Variants in ATG12 observed in about 807,000 individuals in gnomAD.
ATG12 encodes autophagy related 12.
A neutral mutation model predicts 17.6 loss-of-function variants in ATG12; 19 were observed. The ratio of observed to expected loss-of-function variants is 1.08; its 90% CI spans 0.75 to 1.58. ATG12 has a LOEUF of 1.58. Among genes scored for constraint, ATG12 ranks in the 40% most tolerant of loss-of-function variants. The probability of loss-of-function intolerance (pLI) is 0.00; values close to 1 mark genes in which losing one functional copy is unlikely to be tolerated. For missense variants in ATG12, 214 were observed against 162.0 expected (o/e 1.32, Z -1.74); for synonymous variants, 75 against 62.4 (o/e 1.20, Z -0.95).
intron 1 of ATG12, chr5:115,840,903 G>A (rs1351402435): frequency 1.6e-6 from 2 of 1,287,972 alleles, no homozygotes; most frequent in Non-Finnish European, 2.0e-6. Context: ...TAAGAATTTG[G>A]TTTTTGGTTT....
intron 3 of ATG12, 117 bp downstream of exon 3, chr5:115,832,485 T>C: frequency 8.5e-7 from 1 of 1,180,812 alleles, no homozygotes; most frequent in Non-Finnish European, 1.1e-6. Flanking sequence ...TCTCTTGAAA[T>C]AAAAATGTGA....
rs891432155 is a variant in ATG12 at position 115,830,404 on chromosome 5, A to T, written c.*1400T>A. 2 of 152,116 alleles carry T rather than the reference A, an allele frequency of 1.3e-5. No individual in the cohort carries two copies. The highest frequency in any genetic ancestry group is 4.8e-5 in the African/African-American group (2 of 41,420). 9.4% of individuals were successfully genotyped at this position (152,116 alleles called of 1,614,324 possible). A position where few individuals can be genotyped will look rare whatever the true frequency, so the allele number is the denominator to read the frequency against. Reference sequence around the variant, plus strand: ...TATAATTAAATATATTCCTTCAGTAAACTGAACTGGACAAAACTAGAGAAC... The same window carrying T: ...TATAATTAAATATATTCCTTCAGTATACTGAACTGGACAAAACTAGAGAAC... On this transcript the variant is annotated 3_prime_UTR_variant, in exon 4 of 4. Transcript: ENST00000509910.
At chr5:115,839,304 C>T (rs868378156) in intron 1 of ATG12, 12 of 127,814 alleles carry the variant, frequency 9.4e-5, no homozygotes, top group African/African-American at 4.0e-4. Context: ...CTGGAATGAA[C>T]GCATCTAGAA....
chr5:115,832,644 G>C lies in ATG12; in HGVS notation c.321C>G (p.Ser107=), dbSNP rs1760933429. 1.3e-6 allele frequency: 2 copies of C among 1,499,750 alleles called. No homozygotes were observed. The highest frequency in any genetic ancestry group is 1.8e-6 in the Non-Finnish European group (2 of 1,133,034). 92.9% of individuals were successfully genotyped at this position (1,499,750 alleles called of 1,614,324 possible). ...CTTCTTGGTCTGGGGAAGGAGCAAA[G>C]GACTGATTCACATAAATAAACTACA... The part of the protein sequence containing the change: ...SEQLFIYVNQ[S]FAPSPDQEVG... The change falls in exon 3 of 4, where the codon TCC becomes TCG. Residue 107 remains serine, a synonymous_variant. Transcript: ENST00000509910.
At chr5:115,841,067 T>G in intron 1 of ATG12, 1 of 414,444 alleles carries the variant, frequency 2.4e-6, no homozygotes, top group Non-Finnish European at 4.4e-6. Context: ...TACCTGGAAT[T>G]ACCGAGACCC....
At chr5:115,835,289 T>A (rs1368015964) in intron 2 of ATG12, 2 of 152,222 alleles carry the variant, frequency 1.3e-5, no homozygotes, top group Admixed American at 6.5e-5. Context: ...CGCATCTCGT[T>A]TTTCTTGTAA....
chr5:115,832,164 G>GTA (rs1210720331), intron 3 of ATG12, among the ~76,000 whole-genome samples: 1 of 151,664 alleles, frequency 6.6e-6, no homozygotes, highest in Admixed American at 6.6e-5. Context: ...TAGTAGTGGT[G>GTA]CTAGTATGTG....
intron 1 of ATG12, among the ~76,000 whole-genome samples, chr5:115,839,848 T>C (rs968455061): frequency 1.3e-5 from 2 of 152,232 alleles, no homozygotes; most frequent in East Asian, 3.8e-4. Context: ...CTAAGTTTTA[T>C]ATTGGAGAGG....
At position 115,834,583 on chromosome 5, in the gene ATG12, T is replaced by G. The variant is rs150497037; in HGVS notation, c.301-1919A>C. Among the ~76,000 whole-genome samples the G allele has an allele frequency of 4.5e-3, 688 of 152,326 alleles. 5 individuals are homozygous for G. The highest frequency in any genetic ancestry group is 0.016 in the African/African-American group (660 of 41,566). On this transcript the variant is annotated intron_variant, in intron 2 of 3. Transcript: ENST00000509910. ...GCTTTTAAATCAGCAGTCTTTAAAT[T>G]GATGTCTCTAGTTATTCTGGTTATA...
Position 115,831,700 on chromosome 5 carries a change from G to A in ATG12, c.*104C>T. 9.7e-7 allele frequency: 1 copy of A among 1,035,012 alleles called. No individual in the cohort carries two copies. The allele number at this position is 1,035,012 out of a possible 1,614,324, so 64.1% of individuals were successfully genotyped here. On this transcript the variant is annotated 3_prime_UTR_variant, in exon 4 of 4. Transcript: ENST00000509910. ...ACATAGAGTAGACACATACTAAATA[G>A]ATCACATCTGTTAAGTCTCTTGCCA...
chr5:115,832,534 G>A (rs1416468804), intron 3 of ATG12, 68 bp downstream of exon 3: 5 of 1,393,582 alleles, frequency 3.6e-6, no homozygotes, highest in East Asian at 2.9e-5. Context: ...ATACAGATGT[G>A]CATACTCGAT....
At chr5:115,834,530 G>C (rs543184490) in intron 2 of ATG12, among the ~76,000 whole-genome samples, 2 of 152,190 alleles carry the variant, frequency 1.3e-5, no homozygotes, top group South Asian at 4.1e-4. Context: ...TAATTACTTT[G>C]CCTTTAAATC....
At chr5:115,841,217 C>A in intron 1 of ATG12, 173 bp downstream of exon 1, 1 of 800,342 alleles carries the variant, frequency 1.2e-6, no homozygotes, top group Non-Finnish European at 2.0e-6. Flanking sequence ...TATTTTAACA[C>A]TCAACTTAAA....
intron 1 of ATG12, among the ~76,000 whole-genome samples, chr5:115,840,252 C>T (rs1761312516): frequency 6.6e-6 from 1 of 151,650 alleles, no homozygotes. Context: ...GAGAATTATC[C>T]TCCACAGTAG....
At chr5:115,837,602 G>A (rs1327753111) in intron 2 of ATG12, 26 bp downstream of exon 2, 7 of 1,607,216 alleles carry the variant, frequency 4.4e-6, no homozygotes, top group Non-Finnish European at 5.9e-6. Context: ...AATTTTTGTA[G>A]GAAAACATCA....
At chr5:115,833,653 T>C (rs952659601) in intron 2 of ATG12, 2 of 152,212 alleles carry the variant, frequency 1.3e-5, no homozygotes, top group African/African-American at 2.4e-5. Flanking sequence ...CTGGTATATG[T>C]ACTCAATAGA....
chr5:115,832,236 C>G (rs1341021428), intron 3 of ATG12, among the ~76,000 whole-genome samples: 2 of 152,042 alleles, frequency 1.3e-5, no homozygotes, highest in African/African-American at 2.4e-5. Flanking sequence ...ATGCTGTTTT[C>G]TCAATTTCTT....
At chr5:115,834,997 A>G (rs1580567481) in intron 2 of ATG12, 1 of 152,004 alleles carries the variant, frequency 6.6e-6, no homozygotes, top group Non-Finnish European at 1.5e-5. Context: ...AGGTTGACTC[A>G]CTTTTTAAAT....
chr5:115,837,885 G>A (rs1485391622), intron 1 of ATG12, 121 bp from the exon 2 acceptor site: 2 of 771,116 alleles, frequency 2.6e-6, no homozygotes, highest in Admixed American at 3.9e-5. Flanking sequence ...TTATGATACT[G>A]AAGATATGTG....
Sources: gnomAD v4.1 joint callset for allele counts (sites outside exome capture counted in the v4.1 genomes callset) on GRCh38, gnomAD v4.1.1 for gene constraint, MANE v1.5 for transcripts, NCBI Gene and HGNC (gene_info 2026-07-23, HGNC 2026-07-21) for gene names.